Variants in HDAC9 observed in about 807,000 individuals in gnomAD.
HDAC9 encodes histone deacetylase 9.
HDAC9 carries 41 observed loss-of-function variants against 139.4 expected under a neutral mutation model. The ratio of observed to expected loss-of-function variants is 0.29; its 90% CI spans 0.23 to 0.38. HDAC9 has a LOEUF of 0.38. Among genes scored for constraint, HDAC9 ranks in the 10% least tolerant of loss-of-function variants. The probability of loss-of-function intolerance (pLI) is 1.00; values close to 1 mark genes in which losing one functional copy is unlikely to be tolerated. For missense variants in HDAC9, 1,147 were observed against 1,297.0 expected, an observed-to-expected ratio of 0.88 and a Z score of 1.78; for synonymous variants, 517 against 476.2, an observed-to-expected ratio of 1.09 and a Z score of -1.12.
In HDAC9 at chr7:18,795,281, A is replaced by G. The variant is rs1238452590; in HGVS notation, c.2322+1829A>G. ...GTAAAAAAAAAAAAAAAAAAAAAAA[A>G]AAAAGAAAAGCCAGCCTAAGAATCA... On this transcript the variant is annotated intron_variant, in intron 17 of 25. Coordinates refer to ENST00000686413, the MANE Select transcript of HDAC9 (RefSeq NM_178425.4). Among the ~76,000 whole-genome samples, 39 of 147,714 alleles carry G rather than the reference A, an allele frequency of 2.6e-4. No individual in the cohort carries two copies. In the East Asian group the frequency reaches 6.6e-3, roughly 25 times the overall value.
chr7:18,488,569 G>T (rs1433136437), intron 1 of HDAC9, among the ~76,000 whole-genome samples: 1 of 151,882 alleles, frequency 6.6e-6, no homozygotes, highest in Non-Finnish European at 1.5e-5. Context: ...GAGCGCAAAT[G>T]GTGTATTCAG....
intron 1 of HDAC9, among the ~76,000 whole-genome samples, chr7:18,360,465 T>C (rs987409930): frequency 4.9e-4 from 75 of 152,166 alleles, no homozygotes; most frequent in African/African-American, 1.8e-3. Flanking sequence ...CCCCTACACT[T>C]TCTGAACATC....
chr7:18,854,908 G>C (rs1011915151), intron 21 of HDAC9, among the ~76,000 whole-genome samples: 1 of 152,152 alleles, frequency 6.6e-6, no homozygotes, highest in African/African-American at 2.4e-5. Flanking sequence ...CCCCAAGGTA[G>C]GCAACATGGT....
In HDAC9 at chr7:18,495,882, T is replaced by C; in HGVS notation, c.-183T>C. 8.8e-7 allele frequency: 1 copy of C among 1,136,522 alleles called. No individual in the cohort carries two copies. Among genetic ancestry groups the C allele is most frequent in the Non-Finnish European group, 1.1e-6 (1 of 928,310 alleles). The allele number at this position is 1,136,522 out of a possible 1,614,324, so 70.4% of individuals were successfully genotyped here. ...TTAATTGGTTTCTTTTTCTCGTGGG[T>C]AGACTTAATAATTTTCTACGTATTC... On this transcript the variant is annotated 5_prime_UTR_variant, in exon 1 of 26. Transcript: ENST00000686413.
intron 2 of HDAC9, among the ~76,000 whole-genome samples, chr7:18,246,952 T>C (rs1794583743): frequency 6.6e-6 from 1 of 152,068 alleles, no homozygotes; most frequent in Admixed American, 6.6e-5. Flanking sequence ...TAGGCTTGGA[T>C]TTGGGATGAG....
At chr7:18,991,839 T>C (rs1277024100) in intron 25 of HDAC9, among the ~76,000 whole-genome samples, 1 of 152,210 alleles carries the variant, frequency 6.6e-6, no homozygotes, top group East Asian at 1.9e-4. Context: ...TATTAGATGG[T>C]AAACATTCAA....
chr7:18,669,499 T>C (rs1352633248), intron 12 of HDAC9, among the ~76,000 whole-genome samples: 1 of 151,820 alleles, frequency 6.6e-6, no homozygotes, highest in Non-Finnish European at 1.5e-5. Context: ...TATCAAGAAA[T>C]CTGGAGCTAT....
At chr7:18,112,326 C>T (rs1343642988) in intron 1 of HDAC9, among the ~76,000 whole-genome samples, 4 of 152,090 alleles carry the variant, frequency 2.6e-5, no homozygotes, top group Non-Finnish European at 1.5e-5. Context: ...TTTTCTAGAC[C>T]TGAGAAAGTG....
At chr7:18,894,414 A>G (rs1800984259) in intron 22 of HDAC9, among the ~76,000 whole-genome samples, 1 of 152,088 alleles carries the variant, frequency 6.6e-6, no homozygotes, top group Non-Finnish European at 1.5e-5. Flanking sequence ...CAATGGAGGC[A>G]AGCCGTTCAA....
intron 22 of HDAC9, among the ~76,000 whole-genome samples, chr7:18,931,642 T>G (rs1248336691): frequency 6.6e-6 from 1 of 152,158 alleles, no homozygotes; most frequent in Non-Finnish European, 1.5e-5. Context: ...ACCAAGTGGA[T>G]TATTTTAATG....
chr7:18,622,568 C>T (rs950766779), intron 6 of HDAC9, among the ~76,000 whole-genome samples: 8 of 151,932 alleles, frequency 5.3e-5, no homozygotes, highest in African/African-American at 1.7e-4. Context: ...ATGATCTGCC[C>T]GCCTTGGCCT....
At chr7:18,919,572 A>G (rs1278723381) in intron 22 of HDAC9, among the ~76,000 whole-genome samples, 1 of 152,056 alleles carries the variant, frequency 6.6e-6, no homozygotes, top group Admixed American at 6.6e-5. Flanking sequence ...ATGTAAATTC[A>G]TTGTTTCAAA....
chr7:18,846,786 G>A (rs894414672), intron 21 of HDAC9, among the ~76,000 whole-genome samples: 2 of 152,072 alleles, frequency 1.3e-5, no homozygotes, highest in African/African-American at 2.4e-5. Context: ...GCAGGTCCTC[G>A]GGCCATTGGC....
intron 13 of HDAC9, among the ~76,000 whole-genome samples, chr7:18,744,998 A>G (rs1306095497): frequency 1.3e-5 from 2 of 152,198 alleles, no homozygotes; most frequent in Non-Finnish European, 2.9e-5. Context: ...TGTCCCACTG[A>G]TCAGGAGAAA....
chr7:18,271,643 A>G (rs547871730), intron 2 of HDAC9, among the ~76,000 whole-genome samples: 180 of 152,236 alleles, frequency 1.2e-3, no homozygotes, highest in Non-Finnish European at 2.1e-3. Flanking sequence ...CTACATTTTT[A>G]TTAAGCCTTA....
At chr7:18,899,343 A>G (rs1012498100) in intron 22 of HDAC9, 2 of 151,862 alleles carry the variant, frequency 1.3e-5, no homozygotes, top group African/African-American at 4.8e-5. Flanking sequence ...TTTCCCTGAA[A>G]GTTACTTGCT....
At chr7:18,748,689 A>G (rs1490544616) in intron 13 of HDAC9, among the ~76,000 whole-genome samples, 1 of 152,222 alleles carries the variant, frequency 6.6e-6, no homozygotes, top group Non-Finnish European at 1.5e-5. Context: ...GATTTAAAAT[A>G]CTGGTAAGAT....
At chr7:18,457,800 T>G (rs1793476694) in intron 1 of HDAC9, among the ~76,000 whole-genome samples, 1 of 150,798 alleles carries the variant, frequency 6.6e-6, no homozygotes, top group African/African-American at 2.4e-5. Flanking sequence ...ATCACCTATT[T>G]TCAGGTGATA....
At chr7:18,791,407 A>G (rs1792299519) in intron 16 of HDAC9, among the ~76,000 whole-genome samples, 1 of 152,178 alleles carries the variant, frequency 6.6e-6, no homozygotes, top group African/African-American at 2.4e-5. Context: ...AAACCTATAT[A>G]ATACATGGTA....
Sources: allele counts gnomAD v4.1 joint callset (sites outside exome capture counted in the v4.1 genomes callset), GRCh38; gene constraint gnomAD v4.1.1; transcripts MANE v1.5; gene names NCBI Gene and HGNC (gene_info 2026-07-23, HGNC 2026-07-21).